Variants in SYNJ1 observed in about 807,000 individuals in gnomAD.
The protein encoded by SYNJ1 is polyphosphatidylinositol phosphatase SYNJ1.
SYNJ1 carries 78 observed loss-of-function variants against 168.2 expected under a neutral mutation model. The observed-to-expected ratio is 0.46, with a 90% CI of 0.39 to 0.56. The LOEUF is 0.56. SYNJ1 is among the 20% of genes least tolerant of loss of function. The pLI is 0.00. For synonymous variants in SYNJ1, 539 were observed against 548.6 expected (o/e 0.98, Z 0.24); for missense variants, 1,303 against 1,597.6 (o/e 0.82, Z 3.14).
intron 21 of SYNJ1, 63 bp from the exon 22 acceptor site, chr21:32,653,429 TC>T: frequency 7.9e-7 from 1 of 1,269,658 alleles, no homozygotes; most frequent in Non-Finnish European, 1.1e-6. Context: ...CAGTGACTAC[TC>T]CCATGATTAT....
At chr21:32,645,058 G>A in intron 25 of SYNJ1, 52 bp from the exon 26 acceptor site, 2 of 1,548,002 alleles carry the variant, frequency 1.3e-6, no homozygotes, top group Non-Finnish European at 1.8e-6. Context: ...ATTAAATACA[G>A]AAGTGAAATG....
chr21:32,717,357 T>A (rs2043061676), intron 2 of SYNJ1, among the ~76,000 whole-genome samples: 1 of 152,216 alleles, frequency 6.6e-6, no homozygotes, highest in African/African-American at 2.4e-5. Context: ...AATGTCCTTG[T>A]CTATTACAGC....
intron 13 of SYNJ1, among the ~76,000 whole-genome samples, chr21:32,675,083 T>TAC (rs1270529572): frequency 6.6e-6 from 1 of 152,230 alleles, no homozygotes; most frequent in Non-Finnish European, 1.5e-5. Flanking sequence ...AAGCTGACTG[T>TAC]ACCTAGATAA....
intron 3 of SYNJ1, 81 bp from the exon 4 acceptor site, chr21:32,700,186 T>A (rs2146214593): frequency 6.9e-7 from 1 of 1,442,620 alleles, no homozygotes; most frequent in Non-Finnish European, 9.3e-7. Flanking sequence ...CTCTATTTTT[T>A]AAATCTGACA....
chr21:32,690,364 TGCCC>T (rs2041978852), intron 6 of SYNJ1, among the ~76,000 whole-genome samples: 2 of 152,190 alleles, frequency 1.3e-5, no homozygotes, highest in Admixed American at 1.3e-4. Context: ...CACGTCACCA[TGCCC>T]GAATGATTTT....
Position 32,643,331 on chromosome 21 carries a change from C to G in SYNJ1, c.3478+79G>C, listed in dbSNP as rs147042570. ...AAAAGATTTAGTATGCCTGCAAACACTGCGGGGTGGGGAGGTGGGGCGCTG... is the reference window on the plus strand; with the variant it reads ...AAAAGATTTAGTATGCCTGCAAACAGTGCGGGGTGGGGAGGTGGGGCGCTG... On this transcript the variant is annotated intron_variant, in intron 27 of 32. Transcript: ENST00000674351. 229 of 1,453,168 alleles carry G rather than the reference C, an allele frequency of 1.6e-4. No individual in the cohort carries two copies. The African/African-American group carries it at 3.0e-3, about 19-fold the overall frequency. 90.0% of individuals were successfully genotyped at this position (1,453,168 alleles called of 1,614,324 possible).
Position 32,638,989 on chromosome 21 carries a change from T to A in SYNJ1, c.3834A>T (p.Pro1278=), listed in dbSNP as rs773297895. The A allele has an allele frequency of 6.2e-7, 1 of 1,614,044 alleles. No individual in the cohort carries two copies. Among genetic ancestry groups the A allele is most frequent in the Non-Finnish European group, 8.5e-7 (1 of 1,179,952 alleles). Residue 1278 remains proline (P), a synonymous_variant, in exon 31 of 33, where the codon CCA becomes CCT. Coordinates refer to ENST00000674351, the MANE Select transcript of SYNJ1 (RefSeq NM_203446.3). ...GTGGTTGTGGTGGGGTTTCCAAATT[T>A]GGCTGGGGGCCAGACTGAGGCATAG... The part of the protein sequence containing the change: ...AAPMPQSGPQ[P]NLETPPQPPP...
chr21:32,669,014 T>C (rs1016207540), intron 15 of SYNJ1, among the ~76,000 whole-genome samples: 1 of 152,204 alleles, frequency 6.6e-6, no homozygotes, highest in Non-Finnish European at 1.5e-5. Context: ...CCACTTCGCC[T>C]AAGAATGTCC....
intron 3 of SYNJ1, among the ~76,000 whole-genome samples, chr21:32,701,266 G>A (rs2042389858): frequency 6.6e-6 from 1 of 152,070 alleles, no homozygotes; most frequent in Admixed American, 6.6e-5. Flanking sequence ...ACTGTTACCA[G>A]CTCACAATGA....
At chr21:32,703,742 T>A (rs965329707) in intron 2 of SYNJ1, among the ~76,000 whole-genome samples, 4 of 151,896 alleles carry the variant, frequency 2.6e-5, no homozygotes, top group African/African-American at 4.8e-5. Flanking sequence ...TTTTTATTTT[T>A]TTTTTTTGAG....
At chr21:32,704,287 C>T (rs2042520703) in intron 2 of SYNJ1, among the ~76,000 whole-genome samples, 2 of 152,194 alleles carry the variant, frequency 1.3e-5, no homozygotes, top group South Asian at 4.1e-4. Context: ...ACAGGATACA[C>T]ACACACCCAC....
At chr21:32,722,276 C>A (rs1165336758) in intron 2 of SYNJ1, among the ~76,000 whole-genome samples, 1 of 140,560 alleles carries the variant, frequency 7.1e-6, no homozygotes, top group Non-Finnish European at 1.5e-5. Flanking sequence ...TAGGGCTGGG[C>A]TTGGTGGCTC....
chr21:32,696,376 T>C (rs1266211939), intron 4 of SYNJ1, among the ~76,000 whole-genome samples: 2 of 152,154 alleles, frequency 1.3e-5, no homozygotes, highest in Non-Finnish European at 2.9e-5. Flanking sequence ...AGCCCAATGA[T>C]TATGATACAG....
chr21:32,723,129 T>A (rs923421691), intron 2 of SYNJ1, among the ~76,000 whole-genome samples: 1 of 152,208 alleles, frequency 6.6e-6, no homozygotes, highest in East Asian at 1.9e-4. Flanking sequence ...AAGCTTAGAA[T>A]CCTATCGACA....
rs771973400 is a variant in SYNJ1 at position 32,656,896 on chromosome 21, G to A, written c.2586C>T (p.Val862=). The change falls in exon 21 of 33, where the codon GTC becomes GTT. Residue 862 remains valine (V), a synonymous_variant. Transcript: ENST00000674351. Reference sequence around the variant, plus strand: ...ATATATCTATATCAATCAGGGCAACGACAGGCCTTAAGGCATAAAGGAAGA... The same window carrying A: ...ATATATCTATATCAATCAGGGCAACAACAGGCCTTAAGGCATAAAGGAAGA... ...AELKTSDHRP[V]VALIDIDIFE... 1.5e-5 allele frequency: 25 copies of A among 1,613,898 alleles called. No homozygotes were observed. The highest frequency in any genetic ancestry group is 1.2e-4 in the Admixed American group (7 of 59,988).
At chr21:32,651,541 G>A (rs1237862747) in intron 22 of SYNJ1, among the ~76,000 whole-genome samples, 1 of 152,110 alleles carries the variant, frequency 6.6e-6, no homozygotes, top group African/African-American at 2.4e-5. Flanking sequence ...AACTTAACAC[G>A]CTTTACAAGT....
intron 7 of SYNJ1, 63 bp from the exon 8 acceptor site, chr21:32,687,137 AATAATCCATTATTAAAT>A: frequency 1.2e-6 from 1 of 820,826 alleles, no homozygotes; most frequent in Non-Finnish European, 1.8e-6. Flanking sequence ...TTCAATAAAC[AATAATCCATTATTAAAT>A]ATAACTTACA....
intron 10 of SYNJ1, among the ~76,000 whole-genome samples, chr21:32,683,822 AG>A (rs1020256688): frequency 4.7e-4 from 71 of 152,296 alleles, no homozygotes; most frequent in African/African-American, 1.5e-3. Flanking sequence ...CAACAGAAGT[AG>A]ATAGAGAGCT....
rs1263172248 is a variant in SYNJ1, at chr21:32,645,807, GGTA to G, written c.3248-21_3248-19del. On this transcript the variant is annotated intron_variant, in intron 24 of 32. Transcript: ENST00000674351. ...AGGAGAACCTAAAAAGCGCACAGGA[GGTA>G]AGAAGATCAGCTTCTAAGTAGCTGT... The G allele has an allele frequency of 6.7e-7, 1 of 1,499,092 alleles. No individual in the cohort carries two copies. Among genetic ancestry groups the G allele is most frequent in the Non-Finnish European group, 8.9e-7 (1 of 1,121,018 alleles). 92.9% of individuals were successfully genotyped at this position (1,499,092 alleles called of 1,614,324 possible).
Sources: gnomAD v4.1 joint callset for allele counts (sites outside exome capture counted in the v4.1 genomes callset) on GRCh38, gnomAD v4.1.1 for gene constraint, MANE v1.5 for transcripts, NCBI Gene and HGNC (gene_info 2026-07-23, HGNC 2026-07-21) for gene names.